The following CLYBL variants were observed in gnomAD, a reference collection of about 807,000 sequenced individuals.
The protein encoded by CLYBL is citramalyl-CoA lyase.
CLYBL carries 31 observed loss-of-function variants against 38.9 expected under a neutral mutation model. The ratio of observed to expected loss-of-function variants is 0.80; its 90% CI spans 0.60 to 1.08. The LOEUF is 1.08. Among genes scored for constraint, CLYBL ranks in the 50% least tolerant of loss-of-function variants. The pLI is 0.00. For synonymous variants in CLYBL, 171 were observed against 158.6 expected (o/e 1.08, Z -0.59); for missense variants, 434 against 411.6 (o/e 1.05, Z -0.47).
At chr13:99,894,373 C>G (rs2052545124), downstream of CLYBL, 1 of 152,218 alleles carries the variant, frequency 6.6e-6, no homozygotes, top group Non-Finnish European at 1.5e-5. Context: ...TAATCTGATT[C>G]ATTAGAAACC....
chr13:99,862,667 C>T (rs1372867221), intron 3 of CLYBL, among the ~76,000 whole-genome samples: 8 of 152,068 alleles, frequency 5.3e-5, no homozygotes, highest in Non-Finnish European at 7.4e-5. Context: ...TTTAACGAAG[C>T]GAGGGCAAGA....
intron 2 of CLYBL, among the ~76,000 whole-genome samples, chr13:99,850,360 A>G (rs2139162804): frequency 6.6e-6 from 1 of 152,378 alleles, no homozygotes; most frequent in South Asian, 2.1e-4. Context: ...ACTTGAATAG[A>G]CATTATCCAA....
At chr13:99,777,142 G>A (rs912142884) in intron 2 of CLYBL, among the ~76,000 whole-genome samples, 2 of 151,996 alleles carry the variant, frequency 1.3e-5, no homozygotes, top group Non-Finnish European at 2.9e-5. Context: ...GCCTCCCAAA[G>A]TGCTGGGATT....
intron 1 of CLYBL, among the ~76,000 whole-genome samples, chr13:99,707,521 C>G (rs574967362): frequency 2.0e-5 from 3 of 152,296 alleles, no homozygotes; most frequent in African/African-American, 4.8e-5. Context: ...ATCTGCCCCC[C>G]TCGGCCTCCC....
At chr13:99,690,145 T>C (rs2047878712) in intron 1 of CLYBL, 1 of 152,246 alleles carries the variant, frequency 6.6e-6, no homozygotes, top group African/African-American at 2.4e-5. Flanking sequence ...TTTATTCACT[T>C]TTCTTGCGGG....
At chr13:99,823,871 A>T (rs1270557788) in intron 2 of CLYBL, among the ~76,000 whole-genome samples, 1 of 152,150 alleles carries the variant, frequency 6.6e-6, no homozygotes, top group Non-Finnish European at 1.5e-5. Context: ...TGCCCAGTAA[A>T]TCGTTCTGGT....
chr13:99,841,219 C>T (rs776800309), intron 2 of CLYBL, among the ~76,000 whole-genome samples: 33 of 152,186 alleles, frequency 2.2e-4, no homozygotes, highest in Admixed American at 7.9e-4. Flanking sequence ...AAGAGCACGG[C>T]GCACGGAGGA....
chr13:99,846,016 A>AAAT (rs2051196082), intron 2 of CLYBL, among the ~76,000 whole-genome samples: 1 of 151,344 alleles, frequency 6.6e-6, no homozygotes, highest in African/African-American at 2.4e-5. Flanking sequence ...TTTCTTTGGG[A>AAAT]AATAATTAGG....
intron 1 of CLYBL, among the ~76,000 whole-genome samples, chr13:99,752,400 C>T (rs1177101123): frequency 6.6e-6 from 1 of 152,128 alleles, no homozygotes; most frequent in African/African-American, 2.4e-5. Context: ...AGTCCCTGCC[C>T]ACAGGGGGCC....
intron 1 of CLYBL, among the ~76,000 whole-genome samples, chr13:99,625,272 T>C (rs1271319190): frequency 6.6e-6 from 1 of 152,244 alleles, no homozygotes; most frequent in East Asian, 1.9e-4. Context: ...TCTCAGACCT[T>C]GCATGGCCCC....
chr13:99,800,367 G>T (rs760266449), intron 2 of CLYBL, among the ~76,000 whole-genome samples: 1 of 151,986 alleles, frequency 6.6e-6, no homozygotes, highest in African/African-American at 2.4e-5. Flanking sequence ...TGAGATTGGC[G>T]CTGCTGCTGC....
At chr13:99,895,268 C>T (rs1428023385), downstream of CLYBL, 3 of 146,136 alleles carry the variant, frequency 2.1e-5, no homozygotes, top group Non-Finnish European at 4.6e-5. Context: ...TTGGAAGGAC[C>T]TTCCGCTTTT....
At chr13:99,763,075 T>C (rs1338205304) in intron 1 of CLYBL, among the ~76,000 whole-genome samples, 3 of 152,234 alleles carry the variant, frequency 2.0e-5, no homozygotes, top group Non-Finnish European at 4.4e-5. Flanking sequence ...TTTGGTGGAA[T>C]CTCTGTTTTT....
chr13:99,733,320 G>C (rs1339240153), intron 1 of CLYBL, among the ~76,000 whole-genome samples: 1 of 152,090 alleles, frequency 6.6e-6, no homozygotes, highest in Non-Finnish European at 1.5e-5. Flanking sequence ...CTCTACCAGG[G>C]AAATTAACAG....
At chr13:99,684,454 TA>T (rs2047788468) in intron 1 of CLYBL, among the ~76,000 whole-genome samples, 1 of 152,088 alleles carries the variant, frequency 6.6e-6, no homozygotes. Context: ...TGACTGTATC[TA>T]AAAACAAACA....
intron 2 of CLYBL, among the ~76,000 whole-genome samples, chr13:99,858,021 A>C (rs1365885752): frequency 6.6e-6 from 1 of 151,590 alleles, no homozygotes; most frequent in Non-Finnish European, 1.5e-5. Flanking sequence ...CTTTCTCTTG[A>C]CTCCAGCCTC....
At chr13:99,643,354 A>T (rs532543757) in intron 1 of CLYBL, among the ~76,000 whole-genome samples, 1 of 152,212 alleles carries the variant, frequency 6.6e-6, no homozygotes, top group Admixed American at 6.5e-5. Context: ...TTTCATCAGC[A>T]TGATTTGCCA....
intron 2 of CLYBL, among the ~76,000 whole-genome samples, chr13:99,845,578 A>C (rs2051181637): frequency 6.6e-6 from 1 of 152,242 alleles, no homozygotes; most frequent in Non-Finnish European, 1.5e-5. Flanking sequence ...TTGTTTTATT[A>C]GCATTTGCTC....
intron 2 of CLYBL, among the ~76,000 whole-genome samples, chr13:99,833,921 C>T (rs1045243274): frequency 1.3e-5 from 2 of 151,870 alleles, no homozygotes. Context: ...AGGATGGTCT[C>T]GGTCTCCTGA....
Sources: allele counts gnomAD v4.1 joint callset (sites outside exome capture counted in the v4.1 genomes callset), GRCh38; gene constraint gnomAD v4.1.1; transcripts MANE v1.5; gene names NCBI Gene and HGNC (gene_info 2026-07-23, HGNC 2026-07-21).